Variants in RGS7BP observed in about 807,000 individuals in gnomAD.
The protein encoded by RGS7BP is regulator of G protein signaling 7-binding protein.
RGS7BP carries 9 observed loss-of-function variants against 31.3 expected under a neutral mutation model. The observed-to-expected ratio is 0.29, with a 90% confidence interval of 0.17 to 0.50. RGS7BP has a LOEUF of 0.50. Ranked by LOEUF, RGS7BP falls within the 20% of genes least tolerant of loss-of-function variation. The probability of loss-of-function intolerance (pLI) is 0.98; values close to 1 mark genes in which losing one functional copy is unlikely to be tolerated. For missense variants in RGS7BP, 274 were observed against 322.0 expected, an observed-to-expected ratio of 0.85 and a Z score of 1.14; for synonymous variants, 115 against 120.1, an observed-to-expected ratio of 0.96 and a Z score of 0.28.
chr5:64,508,553 C>T (rs1356165334), intron 2 of RGS7BP, among the ~76,000 whole-genome samples: 1 of 152,178 alleles, frequency 6.6e-6, no homozygotes, highest in Non-Finnish European at 1.5e-5. Context: ...GAAAACTTCT[C>T]TCTTGGGACC....
chr5:64,546,843 A>G (rs1211290535), intron 2 of RGS7BP, among the ~76,000 whole-genome samples: 1 of 152,234 alleles, frequency 6.6e-6, no homozygotes, highest in Non-Finnish European at 1.5e-5. Context: ...TATTTCCTAC[A>G]TATGTATACA....
At chr5:64,512,312 A>T (rs1748859777) in intron 2 of RGS7BP, among the ~76,000 whole-genome samples, 1 of 152,168 alleles carries the variant, frequency 6.6e-6, no homozygotes, top group South Asian at 2.1e-4. Context: ...TCTAAATCAG[A>T]TTAGACCAGG....
intron 2 of RGS7BP, among the ~76,000 whole-genome samples, chr5:64,509,948 G>A (rs1425137642): frequency 6.6e-6 from 1 of 152,098 alleles, no homozygotes; most frequent in Non-Finnish European, 1.5e-5. Flanking sequence ...AATCCCTTTA[G>A]TTCCTCACCA....
intron 3 of RGS7BP, among the ~76,000 whole-genome samples, chr5:64,588,937 A>C (rs187546929): frequency 3.0e-4 from 46 of 152,326 alleles, no homozygotes; most frequent in Admixed American, 1.6e-3. Context: ...CCTAAAAAAA[A>C]AATAAATATC....
chr5:64,516,949 C>T (rs1158597172), intron 2 of RGS7BP, among the ~76,000 whole-genome samples: 1 of 149,486 alleles, frequency 6.7e-6, no homozygotes, highest in Non-Finnish European at 1.5e-5. Context: ...AAAGATTATA[C>T]TTGGCTATAT....
At chr5:64,533,869 TACC>T (rs1033775859) in intron 2 of RGS7BP, among the ~76,000 whole-genome samples, 5 of 152,356 alleles carry the variant, frequency 3.3e-5, no homozygotes, top group African/African-American at 1.2e-4. Flanking sequence ...ACCTACTATG[TACC>T]AGGCACTGGG....
intron 2 of RGS7BP, among the ~76,000 whole-genome samples, chr5:64,575,075 T>C (rs928201945): frequency 1.3e-5 from 2 of 152,164 alleles, no homozygotes; most frequent in Non-Finnish European, 2.9e-5. Flanking sequence ...CTCCATGTTT[T>C]ATCATTTATA....
chr5:64,583,516 G>A (rs1195748024), intron 3 of RGS7BP, among the ~76,000 whole-genome samples: 4 of 151,922 alleles, frequency 2.6e-5, no homozygotes, highest in East Asian at 1.9e-4. Flanking sequence ...GAGAGGAGGG[G>A]AAAAGAAAGA....
At chr5:64,526,610 A>C (rs142411166) in intron 2 of RGS7BP, among the ~76,000 whole-genome samples, 1 of 152,170 alleles carries the variant, frequency 6.6e-6, no homozygotes. Flanking sequence ...AATGAATGGC[A>C]GTGATGGCCA....
At chr5:64,532,426 T>A (rs1253632198) in intron 2 of RGS7BP, among the ~76,000 whole-genome samples, 1 of 152,104 alleles carries the variant, frequency 6.6e-6, no homozygotes, top group African/African-American at 2.4e-5. Context: ...CAGAATAGGC[T>A]TTAGAAAGAG....
intron 2 of RGS7BP, among the ~76,000 whole-genome samples, chr5:64,517,758 A>G (rs73109046): frequency 0.026 from 3,932 of 152,302 alleles, 123 homozygotes; most frequent in African/African-American, 0.078. Context: ...ACCACTGGGA[A>G]GGCAGGAAGT....
intron 2 of RGS7BP, among the ~76,000 whole-genome samples, chr5:64,550,087 C>T (rs1741753282): frequency 1.3e-5 from 2 of 152,296 alleles, no homozygotes; most frequent in South Asian, 4.1e-4. Flanking sequence ...CACCCTTAAC[C>T]TCCATTTCTG....
intron 2 of RGS7BP, among the ~76,000 whole-genome samples, chr5:64,534,392 T>G (rs1015543789): frequency 5.3e-5 from 8 of 152,120 alleles, no homozygotes; most frequent in African/African-American, 1.9e-4. Context: ...AGGATGAGAT[T>G]TATGTTTTTA....
At chr5:64,555,687 A>C (rs1741906972) in intron 2 of RGS7BP, among the ~76,000 whole-genome samples, 1 of 152,160 alleles carries the variant, frequency 6.6e-6, no homozygotes, top group Non-Finnish European at 1.5e-5. Flanking sequence ...AACAAACACA[A>C]GGAAAAATAT....
intron 3 of RGS7BP, among the ~76,000 whole-genome samples, chr5:64,576,289 A>G (rs1742427596): frequency 6.6e-6 from 1 of 152,234 alleles, no homozygotes. Context: ...TAGTGTCCCA[A>G]AGATTTAAAA....
At chr5:64,597,195 T>C (rs979306818) in intron 4 of RGS7BP, among the ~76,000 whole-genome samples, 4 of 152,142 alleles carry the variant, frequency 2.6e-5, no homozygotes, top group Non-Finnish European at 5.9e-5. Flanking sequence ...GGGACAATTG[T>C]CCCAAGGGTT....
intron 2 of RGS7BP, among the ~76,000 whole-genome samples, chr5:64,536,924 A>G (rs555353944): frequency 2.9e-4 from 44 of 152,372 alleles, no homozygotes; most frequent in African/African-American, 9.9e-4. Flanking sequence ...CAAGGTAACT[A>G]TAAAAGACTG....
At position 64,506,804 on chromosome 5, in the gene RGS7BP, C is replaced by A; in HGVS notation, c.165+15C>A. The A allele has an allele frequency of 1.4e-6, 2 of 1,431,080 alleles. No individual in the cohort carries two copies. Among genetic ancestry groups the A allele is most frequent in the Non-Finnish European group, 1.9e-6 (2 of 1,062,000 alleles). The allele number at this position is 1,431,080 out of a possible 1,614,324, so 88.6% of individuals were successfully genotyped here. A position where few individuals can be genotyped will look rare whatever the true frequency, so the allele number is the denominator to read the frequency against. On this transcript the variant is annotated intron_variant, in intron 1 of 5. Coordinates refer to ENST00000334025, the MANE Select transcript of RGS7BP (RefSeq NM_001029875.3). The surrounding 1 kb of genome is among the most constrained non-coding windows in gnomAD (Gnocchi z 4.6). ...ACTGCAAGATGGTGGGTGAAAACTG[C>A]GCCTCTTTTTTTTTTTTTTTAATTG... is the stretch of plus-strand genomic sequence containing the variant.
chr5:64,536,792 C>A (rs966149965), intron 2 of RGS7BP, among the ~76,000 whole-genome samples: 2 of 152,058 alleles, frequency 1.3e-5, no homozygotes, highest in African/African-American at 4.8e-5. Flanking sequence ...GGTTTCCAAA[C>A]CTGTTTTTGC....
Sources: gnomAD v4.1 joint callset for allele counts (sites outside exome capture counted in the v4.1 genomes callset) on GRCh38, gnomAD v4.1.1 for gene constraint, Gnocchi (gnomAD v3.1) non-coding constraint, MANE v1.5 for transcripts, NCBI Gene and HGNC (gene_info 2026-07-23, HGNC 2026-07-21) for gene names.